The following TMEM135 variants were observed in gnomAD, a reference collection of about 807,000 sequenced individuals.
The protein encoded by TMEM135 is peroxisomal membrane protein 52.
A neutral mutation model predicts 60.3 loss-of-function variants in TMEM135; 30 were observed. The observed-to-expected ratio is 0.50, with a 90% CI of 0.37 to 0.68. The LOEUF (loss-of-function observed/expected upper bound fraction) is 0.68. Among genes scored for constraint, TMEM135 ranks in the 30% least tolerant of loss-of-function variants. TMEM135 has a pLI of 0.00. For synonymous variants in TMEM135, 190 were observed against 186.7 expected (o/e 1.02, Z -0.14); for missense variants, 468 against 548.8 (o/e 0.85, Z 1.47).
At position 87,291,526 on chromosome 11, in the gene TMEM135, T is replaced by A. The variant is rs1178371879; in HGVS notation, c.510-4256T>A. 1.6e-3 allele frequency among the ~76,000 whole-genome samples: 177 copies of A among 113,810 alleles called. 2 individuals carry two copies. Among genetic ancestry groups the A allele is most frequent in the African/African-American group, 4.9e-3 (140 of 28,324 alleles). The allele number at this position is 113,810 out of a possible 152,430, so 74.7% of individuals were successfully genotyped here. A position where few individuals can be genotyped will look rare whatever the true frequency, so the allele number is the denominator to read the frequency against. On this transcript the variant is annotated intron_variant, in intron 6 of 14. Coordinates refer to ENST00000305494, the MANE Select transcript of TMEM135 (RefSeq NM_022918.4). ...CCAGCAGCCAAGTGATTTTTTTTTT[T>A]TTTTTTTTTTTTTTTTTTTTTTTGA...
intron 5 of TMEM135, among the ~76,000 whole-genome samples, chr11:87,190,745 C>A (rs1351851840): frequency 6.6e-6 from 1 of 152,142 alleles, no homozygotes; most frequent in African/African-American, 2.4e-5. Context: ...TCCTGACTTT[C>A]TATTGTGGTC....
intron 1 of TMEM135, among the ~76,000 whole-genome samples, chr11:87,045,232 C>CG: frequency 6.7e-6 from 1 of 149,836 alleles, no homozygotes; most frequent in East Asian, 2.0e-4. Flanking sequence ...GGGTTTCACT[C>CG]TGTTAGCCAG....
chr11:87,129,550 T>TTTTTTTC (rs1189938251), intron 4 of TMEM135, among the ~76,000 whole-genome samples: 1 of 146,920 alleles, frequency 6.8e-6, no homozygotes, highest in Non-Finnish European at 1.5e-5. Context: ...GCCAATTTTT[T>TTTTTTTC]TTTTTTTTGA....
rs746295843 is a variant in TMEM135 at position 87,321,452 on chromosome 11, T to C, written c.*119T>C. ...TGTTATTTCAGTTAGAGATACTCTT[T>C]TCATTTGTTTTGTTTTTCTTATGAA... On this transcript the variant is annotated 3_prime_UTR_variant, in exon 15 of 15. Transcript: ENST00000305494. The C allele has an allele frequency of 1.3e-5, 15 of 1,119,558 alleles. No individual in the cohort carries two copies. The Admixed American group carries it at 2.4e-4, about 18-fold the overall frequency. The allele number at this position is 1,119,558 out of a possible 1,614,324, so 69.4% of individuals were successfully genotyped here. A position where few individuals can be genotyped will look rare whatever the true frequency, so the allele number is the denominator to read the frequency against.
At chr11:87,260,731 GT>G (rs11436074) in intron 6 of TMEM135, among the ~76,000 whole-genome samples, 42,412 of 150,032 alleles carry the variant, frequency 0.28, 6,265 homozygotes, top group South Asian at 0.38. Context: ...AAAAAGAAAG[GT>G]TTTTTTTTTT....
chr11:87,100,878 A>G (rs899606544), intron 4 of TMEM135, among the ~76,000 whole-genome samples: 12 of 152,170 alleles, frequency 7.9e-5, no homozygotes, highest in Non-Finnish European at 1.3e-4. Context: ...AAGAGCTTTA[A>G]GAAAAAGAGC....
At chr11:87,218,364 A>G (rs1940547191) in intron 5 of TMEM135, among the ~76,000 whole-genome samples, 1 of 152,160 alleles carries the variant, frequency 6.6e-6, no homozygotes, top group Non-Finnish European at 1.5e-5. Context: ...ACTTACTTTG[A>G]ACAGATTCTT....
At position 87,327,773 on chromosome 11, in the gene TMEM135, G is replaced by A; in HGVS notation, c.*6440G>A. On this transcript the variant is annotated 3_prime_UTR_variant, in exon 15 of 15. Transcript: ENST00000305494. The stretch of plus-strand genomic sequence containing the variant: ...AGTCTGAGAACCTGGGGGTGGGATG[G>A]GGGAGTGATAGTTTTAAGTCCTGGA... The A allele has an allele frequency of 2.2e-6, 1 of 454,038 alleles. No homozygotes were observed. The highest frequency in any genetic ancestry group is 1.6e-5 in the South Asian group (1 of 64,468). The allele number at this position is 454,038 out of a possible 1,614,324, so 28.1% of individuals were successfully genotyped here. A position where few individuals can be genotyped will look rare whatever the true frequency, so the allele number is the denominator to read the frequency against.
At chr11:87,140,413 A>G (rs949455780) in intron 4 of TMEM135, among the ~76,000 whole-genome samples, 9 of 152,192 alleles carry the variant, frequency 5.9e-5, no homozygotes, top group African/African-American at 2.2e-4. Flanking sequence ...TGGGCAAACA[A>G]TTTGACTGCA....
chr11:87,082,490 G>A (rs953256360), intron 3 of TMEM135, among the ~76,000 whole-genome samples: 6 of 152,144 alleles, frequency 3.9e-5, no homozygotes, highest in Non-Finnish European at 8.8e-5. Context: ...TTATAATTAT[G>A]CCTTTAATTC....
intron 1 of TMEM135, among the ~76,000 whole-genome samples, chr11:87,050,467 A>C (rs1431141071): frequency 2.8e-5 from 2 of 71,410 alleles, no homozygotes; most frequent in Non-Finnish European, 2.4e-5. Context: ...ACACAATAAA[A>C]AATGATAAAG....
At chr11:87,186,581 A>G (rs911269581) in intron 5 of TMEM135, among the ~76,000 whole-genome samples, 26 of 152,192 alleles carry the variant, frequency 1.7e-4, no homozygotes, top group African/African-American at 6.3e-4. Context: ...GTTACTTACA[A>G]TAAAGTTCAT....
At chr11:87,047,220 G>A (rs986404026) in intron 1 of TMEM135, among the ~76,000 whole-genome samples, 1 of 152,082 alleles carries the variant, frequency 6.6e-6, no homozygotes, top group Non-Finnish European at 1.5e-5. Context: ...TATGTTTTAT[G>A]TAATTTACAA....
intron 5 of TMEM135, among the ~76,000 whole-genome samples, chr11:87,228,544 T>A (rs1237004422): frequency 6.6e-6 from 1 of 152,124 alleles, no homozygotes; most frequent in Non-Finnish European, 1.5e-5. Flanking sequence ...AGGAAGAGGA[T>A]CTTAATGAAT....
intron 6 of TMEM135, among the ~76,000 whole-genome samples, chr11:87,244,944 G>A (rs971309671): frequency 4.6e-5 from 7 of 151,332 alleles, no homozygotes; most frequent in African/African-American, 1.2e-4. Context: ...TGCGATGTTC[G>A]GGTGTCAATT....
chr11:87,057,809 GTGTGTGTT>G lies in TMEM135; in HGVS notation c.142-9877_142-9870del, dbSNP rs942269662. Among the ~76,000 whole-genome samples, 165 of 151,936 alleles carry G rather than the reference GTGTGTGTT, an allele frequency of 1.1e-3. 2 individuals carry two copies. The South Asian group carries it at 0.018, about 16-fold the overall frequency. ...AACAGAAGCCTCTGTGTGTGTGTGT[GTGTGTGTT>G]TGTGTGTGTGTATAAAATAAGGAAT... is the stretch of plus-strand genomic sequence containing the variant. On this transcript the variant is annotated intron_variant, in intron 1 of 14. Transcript: ENST00000305494.
chr11:87,279,812 A>G (rs996356604), intron 6 of TMEM135, among the ~76,000 whole-genome samples: 14 of 152,214 alleles, frequency 9.2e-5, no homozygotes, highest in African/African-American at 2.9e-4. Context: ...ATTCACATAC[A>G]CACAGAACAA....
intron 4 of TMEM135, among the ~76,000 whole-genome samples, chr11:87,143,815 G>T (rs611523): frequency 0.37 from 55,856 of 151,928 alleles, 10,804 homozygotes; most frequent in East Asian, 0.67. Flanking sequence ...ACTTTGACAT[G>T]TAACCACTTT....
intron 1 of TMEM135, among the ~76,000 whole-genome samples, chr11:87,064,039 C>A (rs947734685): frequency 6.6e-6 from 1 of 152,040 alleles, no homozygotes; most frequent in African/African-American, 2.4e-5. Context: ...TAGATGCTAT[C>A]CAACGGTTTT....
Sources: allele counts gnomAD v4.1 joint callset (sites outside exome capture counted in the v4.1 genomes callset), GRCh38; gene constraint gnomAD v4.1.1; transcripts MANE v1.5; gene names NCBI Gene and HGNC (gene_info 2026-07-23, HGNC 2026-07-21).